The following DIP2B variants were observed in gnomAD, a reference collection of about 807,000 sequenced individuals.
DIP2B encodes DIP2 acetate--CoA ligase B (putative).
DIP2B carries 76 observed loss-of-function variants against 198.0 expected under a neutral mutation model. That is an observed-to-expected ratio of 0.38 (90% confidence interval 0.32 to 0.46). The LOEUF is 0.46. Ranked by LOEUF, DIP2B falls within the 20% of genes least tolerant of loss-of-function variation. The probability of loss-of-function intolerance (pLI) is 0.99; values close to 1 mark genes in which losing one functional copy is unlikely to be tolerated. For missense variants in DIP2B, 1,559 were observed against 1,978.4 expected (o/e 0.79, Z 4.02); for synonymous variants, 701 against 739.1 (o/e 0.95, Z 0.84).
chr12:50,574,810 C>G (rs1408455664), intron 1 of DIP2B, among the ~76,000 whole-genome samples: 3 of 152,144 alleles, frequency 2.0e-5, no homozygotes, highest in South Asian at 2.1e-4. Context: ...AATGAGCAAA[C>G]CTTTGTTTTA....
chr12:50,692,897 G>T, intron 13 of DIP2B, 52 bp from the exon 14 acceptor site: 2 of 1,489,104 alleles, frequency 1.3e-6, no homozygotes, highest in Non-Finnish European at 1.8e-6. Flanking sequence ...ACATAATTTT[G>T]CTACTTAATA....
intron 1 of DIP2B, among the ~76,000 whole-genome samples, chr12:50,538,987 T>C (rs1360473281): frequency 1.3e-5 from 2 of 152,232 alleles, no homozygotes; most frequent in Non-Finnish European, 2.9e-5. Context: ...TCTTGTATTT[T>C]TTAAAAACTT....
chr12:50,695,185 T>G, intron 14 of DIP2B, 82 bp from the exon 15 acceptor site: 7 of 1,092,716 alleles, frequency 6.4e-6, no homozygotes, highest in Non-Finnish European at 9.5e-6. Context: ...TAATTAAAAT[T>G]GCTAACAAAA....
intron 2 of DIP2B, among the ~76,000 whole-genome samples, chr12:50,629,665 A>G (rs1297990036): frequency 2.0e-5 from 3 of 152,138 alleles, no homozygotes; most frequent in Non-Finnish European, 4.4e-5. Flanking sequence ...TAAAGGCATC[A>G]CCATTTCAAC....
At chr12:50,635,025 G>C (rs1400929343) in intron 2 of DIP2B, among the ~76,000 whole-genome samples, 1 of 152,178 alleles carries the variant, frequency 6.6e-6, no homozygotes, top group African/African-American at 2.4e-5. Flanking sequence ...AAGAGGCTGT[G>C]CAGAGTATAT....
chr12:50,624,861 G>A (rs1300338719), intron 1 of DIP2B, among the ~76,000 whole-genome samples: 1 of 152,124 alleles, frequency 6.6e-6, no homozygotes, highest in Non-Finnish European at 1.5e-5. Context: ...CTCTGCTCTA[G>A]CCCTTTTTAG....
intron 3 of DIP2B, among the ~76,000 whole-genome samples, chr12:50,644,519 G>A (rs1003919303): frequency 6.6e-6 from 1 of 152,222 alleles, no homozygotes; most frequent in Non-Finnish European, 1.5e-5. Context: ...TGTGTCTGGG[G>A]ACTGAACTCC....
chr12:50,744,375 G>A (rs1167935263), intron 37 of DIP2B, among the ~76,000 whole-genome samples: 2 of 151,252 alleles, frequency 1.3e-5, no homozygotes, highest in African/African-American at 2.5e-5. Flanking sequence ...GGGGCAAGAT[G>A]TCTCTCATAT....
chr12:50,745,642 C>T lies in DIP2B; in HGVS notation c.*803C>T, dbSNP rs1453345867. 6.6e-6 allele frequency: 1 copy of T among 152,572 alleles called. No homozygotes were observed. The highest frequency in any genetic ancestry group is 6.5e-5 in the Admixed American group (1 of 15,276). The allele number at this position is 152,572 out of a possible 1,614,324, so 9.5% of individuals were successfully genotyped here. On this transcript the variant is annotated 3_prime_UTR_variant, in exon 38 of 38. Transcript: ENST00000301180. ...TGTTTCTTTTTAAAGCTCGCATTCC[C>T]AGAATCAGCTTAGGCTTCTATGAAT...
At chr12:50,584,502 T>G (rs1021042529) in intron 1 of DIP2B, among the ~76,000 whole-genome samples, 9 of 152,370 alleles carry the variant, frequency 5.9e-5, no homozygotes, top group Non-Finnish European at 1.2e-4. Context: ...TTTTTGTCTC[T>G]TGTATGCTGT....
At chr12:50,588,981 G>A (rs1049292409) in intron 1 of DIP2B, among the ~76,000 whole-genome samples, 3 of 151,802 alleles carry the variant, frequency 2.0e-5, no homozygotes, top group South Asian at 2.1e-4. Context: ...TCAGGAGATC[G>A]AGACCATCCT....
At chr12:50,725,968 G>C (rs553430682) in intron 28 of DIP2B, among the ~76,000 whole-genome samples, 1 of 151,950 alleles carries the variant, frequency 6.6e-6, no homozygotes, top group East Asian at 1.9e-4. Context: ...AAGGATAGAA[G>C]CACAGTTATA....
At chr12:50,611,724 A>G (rs1218531279) in intron 1 of DIP2B, among the ~76,000 whole-genome samples, 1 of 151,960 alleles carries the variant, frequency 6.6e-6, no homozygotes, top group Non-Finnish European at 1.5e-5. Context: ...CACCACCACC[A>G]TGTCCCCCAA....
chr12:50,551,023 A>T (rs865866473), intron 1 of DIP2B, among the ~76,000 whole-genome samples: 7 of 152,202 alleles, frequency 4.6e-5, no homozygotes, highest in Middle Eastern at 3.4e-3. Context: ...TGGGGAGGTC[A>T]GGGCTGCAGT....
At chr12:50,601,332 TA>T (rs200551995) in intron 1 of DIP2B, among the ~76,000 whole-genome samples, 20,529 of 147,408 alleles carry the variant, frequency 0.14, 2,787 homozygotes, top group East Asian at 0.37. Context: ...TATATCTATA[TA>T]TTTTTTTGTT....
At chr12:50,607,627 G>A (rs1958994992) in intron 1 of DIP2B, among the ~76,000 whole-genome samples, 1 of 152,170 alleles carries the variant, frequency 6.6e-6, no homozygotes, top group African/African-American at 2.4e-5. Context: ...TTCAAACACA[G>A]TCTTGCTCTG....
At chr12:50,715,498 CA>C (rs1939697835) in intron 23 of DIP2B, among the ~76,000 whole-genome samples, 1 of 152,126 alleles carries the variant, frequency 6.6e-6, no homozygotes, top group Non-Finnish European at 1.5e-5. Flanking sequence ...CTGTTTGTGT[CA>C]CATGTCCTAA....
chr12:50,679,116 C>A (rs554597674), intron 8 of DIP2B: 165 of 494,000 alleles, frequency 3.3e-4, no homozygotes, highest in African/African-American at 3.0e-3. Context: ...CTTTGTACAT[C>A]CATAGATGTT....
intron 12 of DIP2B, among the ~76,000 whole-genome samples, chr12:50,688,444 G>A (rs780406526): frequency 3.3e-5 from 5 of 152,010 alleles, no homozygotes; most frequent in Non-Finnish European, 5.9e-5. Context: ...TTGAACTCAG[G>A]AATTCAAGAC....
Sources: gnomAD v4.1 joint callset for allele counts (sites outside exome capture counted in the v4.1 genomes callset) on GRCh38, gnomAD v4.1.1 for gene constraint, MANE v1.5 for transcripts, NCBI Gene and HGNC (gene_info 2026-07-23, HGNC 2026-07-21) for gene names.